Variants in EYA4 observed in about 807,000 individuals in gnomAD.
The protein encoded by EYA4 is protein phosphatase EYA4.
A neutral mutation model predicts 87.9 loss-of-function variants in EYA4; 31 were observed. That is an observed-to-expected ratio of 0.35 (90% CI 0.27 to 0.48). The LOEUF is 0.48. Ranked by LOEUF, EYA4 falls within the 20% of genes least tolerant of loss-of-function variation. The pLI is 0.99. For missense variants in EYA4, 678 were observed against 761.4 expected (o/e 0.89, Z 1.29); for synonymous variants, 263 against 270.6 (o/e 0.97, Z 0.28).
intron 3 of EYA4, among the ~76,000 whole-genome samples, chr6:133,414,696 T>G (rs1789553487): frequency 6.6e-6 from 1 of 152,198 alleles, no homozygotes; most frequent in East Asian, 1.9e-4. Flanking sequence ...AGATTTGTTT[T>G]CCATTTCCCA....
intron 2 of EYA4, among the ~76,000 whole-genome samples, chr6:133,335,886 A>G (rs369590929): frequency 6.6e-6 from 1 of 152,296 alleles, no homozygotes; most frequent in South Asian, 2.1e-4. Context: ...TTAGAGAGAC[A>G]GTGAGTGAGC....
chr6:133,286,783 C>T (rs1431367123), intron 2 of EYA4, among the ~76,000 whole-genome samples: 1 of 152,088 alleles, frequency 6.6e-6, no homozygotes, highest in Non-Finnish European at 1.5e-5. Context: ...TTCATTTTTT[C>T]ATTGCTTTGT....
At chr6:133,506,394 G>A (rs1798625806) in intron 14 of EYA4, 199 bp downstream of exon 14, 1 of 481,118 alleles carries the variant, frequency 2.1e-6, no homozygotes, top group African/African-American at 2.0e-5. Flanking sequence ...TACATATGTA[G>A]AACAAAAATG....
chr6:133,517,717 T>G (rs1799723679), intron 17 of EYA4, among the ~76,000 whole-genome samples: 1 of 151,568 alleles, frequency 6.6e-6, no homozygotes, highest in Non-Finnish European at 1.5e-5. Context: ...TTGTCAGTTC[T>G]AGGGACCATA....
chr6:133,332,618 A>G (rs1782051778), intron 2 of EYA4, among the ~76,000 whole-genome samples: 1 of 151,764 alleles, frequency 6.6e-6, no homozygotes, highest in African/African-American at 2.4e-5. Flanking sequence ...ATCTCAGCTA[A>G]CTGCTACCTC....
intron 13 of EYA4, among the ~76,000 whole-genome samples, chr6:133,483,360 A>C (rs1184638880): frequency 6.6e-6 from 1 of 152,170 alleles, no homozygotes; most frequent in Non-Finnish European, 1.5e-5. Flanking sequence ...ATCAAGACCA[A>C]GCTTCTTAGT....
At chr6:133,262,773 C>T (rs544266159) in intron 1 of EYA4, among the ~76,000 whole-genome samples, 19 of 152,228 alleles carry the variant, frequency 1.2e-4, no homozygotes, top group African/African-American at 4.6e-4. Flanking sequence ...GACCGTTTTG[C>T]AAAGTCCATG....
chr6:133,450,549 G>GC (rs1793335904), intron 5 of EYA4, among the ~76,000 whole-genome samples: 1 of 152,136 alleles, frequency 6.6e-6, no homozygotes, highest in Non-Finnish European at 1.5e-5. Context: ...TGTCTACCAG[G>GC]CTGGAGTGCA....
chr6:133,287,499 G>A (rs34897317), intron 2 of EYA4, among the ~76,000 whole-genome samples: 2 of 151,776 alleles, frequency 1.3e-5, no homozygotes, highest in African/African-American at 4.8e-5. Flanking sequence ...GTGGGCATGA[G>A]GTTGTGAGGC....
intron 1 of EYA4, among the ~76,000 whole-genome samples, chr6:133,263,835 C>A (rs1210476337): frequency 6.6e-6 from 1 of 152,190 alleles, no homozygotes; most frequent in Non-Finnish European, 1.5e-5. Flanking sequence ...TTCTTGAAAG[C>A]CCCACCCAGG....
At chr6:133,380,466 T>G (rs1182836451) in intron 2 of EYA4, among the ~76,000 whole-genome samples, 1 of 152,148 alleles carries the variant, frequency 6.6e-6, no homozygotes, top group East Asian at 1.9e-4. Context: ...AGTTAAATGA[T>G]AGGAAGCTTG....
At chr6:133,509,139 A>G (rs1020468316) in intron 14 of EYA4, among the ~76,000 whole-genome samples, 17 of 152,222 alleles carry the variant, frequency 1.1e-4, no homozygotes, top group African/African-American at 4.1e-4. Context: ...TCAAAACAGT[A>G]GCTTTCAAAA....
intron 3 of EYA4, among the ~76,000 whole-genome samples, chr6:133,428,911 C>CTTTTTCTTTT (rs1790921758): frequency 8.3e-5 from 4 of 48,230 alleles, no homozygotes; most frequent in South Asian, 1.5e-3. Context: ...GATTTAGCTT[C>CTTTTTCTTTT]TTTTTTTTTT....
chr6:133,388,865 A>G (rs1341529519), intron 3 of EYA4, among the ~76,000 whole-genome samples: 1 of 152,050 alleles, frequency 6.6e-6, no homozygotes, highest in Non-Finnish European at 1.5e-5. Flanking sequence ...TTCATTTCAT[A>G]CTTTTTCATG....
At chr6:133,477,312 A>G (rs1305786806) in intron 11 of EYA4, among the ~76,000 whole-genome samples, 1 of 152,056 alleles carries the variant, frequency 6.6e-6, no homozygotes, top group East Asian at 1.9e-4. Flanking sequence ...TACCATTTTA[A>G]CAGGTGTGAG....
At chr6:133,501,041 T>C (rs1798072883) in intron 13 of EYA4, among the ~76,000 whole-genome samples, 1 of 152,048 alleles carries the variant, frequency 6.6e-6, no homozygotes, top group Admixed American at 6.6e-5. Context: ...GGGTCCCTCT[T>C]CTCACACACA....
intron 2 of EYA4, among the ~76,000 whole-genome samples, chr6:133,301,551 G>T (rs905955933): frequency 1.3e-5 from 2 of 152,196 alleles, no homozygotes; most frequent in African/African-American, 4.8e-5. Context: ...AGGAATTACT[G>T]CACATTAAGC....
At chr6:133,350,065 A>G (rs1177726743) in intron 2 of EYA4, among the ~76,000 whole-genome samples, 1 of 152,124 alleles carries the variant, frequency 6.6e-6, no homozygotes, top group Non-Finnish European at 1.5e-5. Flanking sequence ...AATAATTCCT[A>G]GAATCTTTTT....
intron 3 of EYA4, among the ~76,000 whole-genome samples, chr6:133,392,577 G>C (rs930852364): frequency 1.3e-5 from 2 of 152,136 alleles, no homozygotes; most frequent in Non-Finnish European, 2.9e-5. Context: ...GCAAATTGTG[G>C]TTATTTTGGG....
Sources: allele counts gnomAD v4.1 joint callset (sites outside exome capture counted in the v4.1 genomes callset), GRCh38; gene constraint gnomAD v4.1.1; transcripts MANE v1.5; gene names NCBI Gene and HGNC (gene_info 2026-07-23, HGNC 2026-07-21).